The following TRAP1 variants were observed in gnomAD, a reference collection of about 807,000 sequenced individuals.
The protein encoded by TRAP1 is TNF receptor associated protein 1.
A neutral mutation model predicts 89.1 loss-of-function variants in TRAP1; 102 were observed. The observed-to-expected ratio is 1.15, with a 90% CI of 0.98 to 1.35. The LOEUF is 1.35. Ranked by LOEUF, TRAP1 falls within the 40% of genes most tolerant of loss-of-function variation. TRAP1 has a pLI of 0.00. For missense variants in TRAP1, 1,256 were observed against 945.3 expected (o/e 1.33, Z -4.31); for synonymous variants, 508 against 388.0 (o/e 1.31, Z -3.64).
intron 2 of TRAP1, 65 bp downstream of exon 2, chr16:3,690,762 A>G: frequency 7.5e-7 from 1 of 1,326,202 alleles, no homozygotes; most frequent in Non-Finnish European, 9.7e-7. Flanking sequence ...CACCCTGAAA[A>G]TGCCCCTTTA....
chr16:3,668,411 G>A (rs576427904), intron 11 of TRAP1, among the ~76,000 whole-genome samples: 2 of 152,322 alleles, frequency 1.3e-5, no homozygotes, highest in South Asian at 2.1e-4. Context: ...GTTTCATGAA[G>A]AATGTGACAT....
intron 10 of TRAP1, 139 bp from the exon 11 acceptor site, chr16:3,671,930 T>C: frequency 2.3e-6 from 2 of 878,836 alleles, no homozygotes; most frequent in Middle Eastern, 2.2e-4. Flanking sequence ...GAGGCGGCAC[T>C]GCCGGAGCTT....
intron 1 of TRAP1, among the ~76,000 whole-genome samples, chr16:3,698,776 G>A (rs1013484927): frequency 5.3e-5 from 8 of 151,998 alleles, no homozygotes; most frequent in Admixed American, 2.0e-4. Flanking sequence ...GTGCATGCCT[G>A]TAGTCTCAGC....
At chr16:3,697,848 G>A (rs2051310501) in intron 1 of TRAP1, among the ~76,000 whole-genome samples, 1 of 151,460 alleles carries the variant, frequency 6.6e-6, no homozygotes, top group Non-Finnish European at 1.5e-5. Context: ...GAGTGAAATG[G>A]CGTGATCTCG....
intron 4 of TRAP1, among the ~76,000 whole-genome samples, chr16:3,682,564 T>G (rs1239108341): frequency 6.6e-6 from 1 of 152,110 alleles, no homozygotes; most frequent in Non-Finnish European, 1.5e-5. Context: ...TAATTTCTTT[T>G]GTATTTTCAG....
intron 1 of TRAP1, among the ~76,000 whole-genome samples, chr16:3,715,263 C>T (rs1391975102): frequency 6.6e-6 from 1 of 152,094 alleles, no homozygotes; most frequent in African/African-American, 2.4e-5. Context: ...AGGGTGAAAC[C>T]CCGTCTCTAC....
chr16:3,673,795 G>A (rs1202965297), intron 9 of TRAP1, among the ~76,000 whole-genome samples: 2 of 152,198 alleles, frequency 1.3e-5, no homozygotes, highest in African/African-American at 4.8e-5. Flanking sequence ...GGCAGGATTT[G>A]CGGGAACTTC....
chr16:3,660,772 A>T (rs2043027884), intron 16 of TRAP1: 1 of 152,164 alleles, frequency 6.6e-6, no homozygotes, highest in Admixed American at 6.5e-5. Flanking sequence ...AACAAAACAA[A>T]AACTGGCTGG....
chr16:3,675,474 G>A (rs1430360295), intron 7 of TRAP1, 77 bp from the exon 8 acceptor site: 9 of 1,437,416 alleles, frequency 6.3e-6, no homozygotes, highest in Non-Finnish European at 8.8e-6. Context: ...GCTCCAGGAT[G>A]AGCGCCAGCC....
Position 3,670,382 on chromosome 16 carries a change from C to CAAAAAAAAAAAAAAAAAA in TRAP1, c.1235+1322_1235+1339dup, listed in dbSNP as rs760902038. Among the ~76,000 whole-genome samples the CAAAAAAAAAAAAAAAAAA allele has an allele frequency of 3.5e-3, 80 of 22,840 alleles. 12 individuals are homozygous for CAAAAAAAAAAAAAAAAAA. The highest frequency in any genetic ancestry group is 4.3e-3 in the Non-Finnish European group (46 of 10,766). The allele number at this position is 22,840 out of a possible 152,430, so 15.0% of individuals were successfully genotyped here. ...TGGGCGACAGAGCAAGACTCCGTCTCAAAAAAAAAAAAAAAAAAAAAAAAA... is the reference window on the plus strand; with the variant it reads ...TGGGCGACAGAGCAAGACTCCGTCTCAAAAAAAAAAAAAAAAAAAAAAAAAAAAAAAAAAAAAAAAAAA... On this transcript the variant is annotated intron_variant, in intron 11 of 17. Coordinates refer to ENST00000246957, the MANE Select transcript of TRAP1 (RefSeq NM_016292.3).
At chr16:3,696,568 T>C (rs1304410449) in intron 1 of TRAP1, among the ~76,000 whole-genome samples, 2 of 152,158 alleles carry the variant, frequency 1.3e-5, no homozygotes, top group Non-Finnish European at 2.9e-5. Context: ...AAGTTACTAC[T>C]ATTTTGAGAC....
Position 3,664,259 on chromosome 16 carries a change from C to T in TRAP1, c.1569+15G>A. The T allele has an allele frequency of 6.4e-7, 1 of 1,559,248 alleles. No homozygotes were observed. The highest frequency in any genetic ancestry group is 8.7e-7 in the Non-Finnish European group (1 of 1,153,890). On this transcript the variant is annotated intron_variant, in intron 13 of 17. Transcript: ENST00000246957. The stretch of plus-strand genomic sequence containing the variant: ...TTGCAGCCCCCGGAGCCCGCCCCAC[C>T]CACCGCTCACCCACCTCTGTGTCTT...
intron 17 of TRAP1, 38 bp from the exon 18 acceptor site, chr16:3,658,268 G>A (rs745826740): frequency 1.5e-5 from 23 of 1,510,008 alleles, no homozygotes; most frequent in Non-Finnish European, 2.0e-5. Context: ...TGAGGGGCAT[G>A]GGGCACCTTT....
At chr16:3,662,517 C>T in intron 15 of TRAP1, 2 of 526,026 alleles carry the variant, frequency 3.8e-6, no homozygotes, top group East Asian at 3.7e-5. Context: ...CTCTGAAGCC[C>T]ACCCAAAACC....
chr16:3,671,767 G>A lies in TRAP1; in HGVS notation c.1190C>T (p.Pro397Leu). Residue 397 changes from proline to leucine, a missense_variant, in exon 11 of 18, where the codon CCC (proline) becomes CTC (leucine). By Grantham distance (98) the Pro-to-Leu change is moderately conservative. Coordinates refer to ENST00000246957, the MANE Select transcript of TRAP1 (RefSeq NM_016292.3). ...CAGCAGCTCCCGGCTGAGGTTCAGGGGAATGTCCTCACTGTCCACCACACC... is the reference window on the plus strand; with the variant it reads ...CAGCAGCTCCCGGCTGAGGTTCAGGAGAATGTCCTCACTGTCCACCACACC... ...IRGVVDSEDIPLNLSRELLQE... is the reference protein window; with the variant it reads ...IRGVVDSEDILLNLSRELLQE... The A allele has an allele frequency of 6.2e-7, 1 of 1,613,142 alleles. No individual in the cohort carries two copies. The highest frequency in any genetic ancestry group is 1.1e-5 in the South Asian group (1 of 91,088).
chr16:3,669,832 CAAAAAAAAAAAAAA>C (rs59256364), intron 11 of TRAP1, among the ~76,000 whole-genome samples: 5 of 66,168 alleles, frequency 7.6e-5, no homozygotes, highest in South Asian at 4.9e-4. Flanking sequence ...GACTCCGTCT[CAAAAAAAAAAAAAA>C]AAAAAAAAAA....
At chr16:3,686,587 G>C (rs7202449) in intron 3 of TRAP1, among the ~76,000 whole-genome samples, 27,552 of 152,182 alleles carry the variant, frequency 0.18, 2,800 homozygotes, top group South Asian at 0.28. Context: ...AAAGTGTTGG[G>C]ATTACAGACG....
intron 1 of TRAP1, among the ~76,000 whole-genome samples, chr16:3,711,959 A>G (rs978829948): frequency 8.5e-5 from 13 of 152,266 alleles, no homozygotes; most frequent in African/African-American, 3.1e-4. Flanking sequence ...TTTTTACTTC[A>G]TTTGAGTATG....
intron 11 of TRAP1, among the ~76,000 whole-genome samples, chr16:3,670,754 C>T (rs1348908547): frequency 6.6e-6 from 1 of 152,166 alleles, no homozygotes; most frequent in African/African-American, 2.4e-5. Context: ...AGAAAAAAAT[C>T]TCCATGGCTT....
Sources: allele counts gnomAD v4.1 joint callset (sites outside exome capture counted in the v4.1 genomes callset), GRCh38; gene constraint gnomAD v4.1.1; transcripts MANE v1.5; gene names NCBI Gene and HGNC (gene_info 2026-07-23, HGNC 2026-07-21).